CSTPP1: variants seen among roughly 807,000 people sequenced by gnomAD.
CSTPP1 encodes UPF0705 protein C11orf49.
the CSTPP1 span, among the ~76,000 whole-genome samples, chr11:47,092,426 C>T: frequency 6.6e-6 from 1 of 152,158 alleles, no homozygotes; most frequent in Non-Finnish European, 1.5e-5. Context: ...ATTCCCACCA[C>T]TCTTTATTTG....
At chr11:47,017,801 G>C in the CSTPP1 span, among the ~76,000 whole-genome samples, 1 of 152,014 alleles carries the variant, frequency 6.6e-6, no homozygotes, top group Non-Finnish European at 1.5e-5. Flanking sequence ...CCAAGTAGCT[G>C]GGATTATAAG....
At chr11:47,080,022 G>A in the CSTPP1 span, among the ~76,000 whole-genome samples, 5 of 152,034 alleles carry the variant, frequency 3.3e-5, no homozygotes, top group Non-Finnish European at 5.9e-5. Context: ...ACGTGAACCC[G>A]GAGGCAAAGG....
the CSTPP1 span, among the ~76,000 whole-genome samples, chr11:47,118,426 T>C: frequency 6.6e-6 from 1 of 152,198 alleles, no homozygotes; most frequent in Non-Finnish European, 1.5e-5. Flanking sequence ...AGTTTGTTAT[T>C]ACCAACCTTC....
At chr11:46,950,176 CTT>C in the CSTPP1 span, among the ~76,000 whole-genome samples, 11 of 136,246 alleles carry the variant, frequency 8.1e-5, no homozygotes, top group Non-Finnish European at 8.0e-5. Context: ...TTTTTCTTTT[CTT>C]TTTTTTTTTT....
chr11:46,941,362 C>T, the CSTPP1 span, among the ~76,000 whole-genome samples: 4 of 151,916 alleles, frequency 2.6e-5, no homozygotes, highest in Admixed American at 6.6e-5. Context: ...TTTCTTGAGA[C>T]GGAGTCTCGC....
the CSTPP1 span, among the ~76,000 whole-genome samples, chr11:46,943,898 G>A: frequency 6.6e-6 from 1 of 152,114 alleles, no homozygotes; most frequent in South Asian, 2.1e-4. Flanking sequence ...GCATGCATCT[G>A]TAGTCCCAGT....
the CSTPP1 span, chr11:47,138,086 G>C: frequency 2.6e-5 from 7 of 269,034 alleles, no homozygotes; most frequent in South Asian, 5.3e-4. Flanking sequence ...CTACTGTAAA[G>C]ATACTACCCA....
the CSTPP1 span, among the ~76,000 whole-genome samples, chr11:46,974,857 A>AAC: frequency 0.075 from 10,824 of 143,910 alleles, 563 homozygotes; most frequent in East Asian, 0.26. Context: ...TCTATCTCAA[A>AAC]ACACACACAC....
chr11:47,095,117 C>T, the CSTPP1 span, among the ~76,000 whole-genome samples: 1 of 152,142 alleles, frequency 6.6e-6, no homozygotes, highest in Non-Finnish European at 1.5e-5. Context: ...AGGAGAAGTA[C>T]AGTAATCATT....
At chr11:46,997,516 C>G in the CSTPP1 span, among the ~76,000 whole-genome samples, 1 of 152,184 alleles carries the variant, frequency 6.6e-6, no homozygotes, top group Non-Finnish European at 1.5e-5. Context: ...TCCTTTAGCT[C>G]GGAGAAGTTT....
the CSTPP1 span, among the ~76,000 whole-genome samples, chr11:46,937,686 C>T: frequency 2.6e-5 from 4 of 152,122 alleles, no homozygotes; most frequent in East Asian, 5.8e-4. Context: ...TACAGGCGCC[C>T]GCCACCTCGC....
chr11:47,159,791 G>A, the CSTPP1 span: 1 of 443,796 alleles, frequency 2.3e-6, no homozygotes, highest in East Asian at 7.1e-5. Context: ...GATCACCTGA[G>A]GTCAGGAGTT....
At chr11:47,114,897 T>G in the CSTPP1 span, among the ~76,000 whole-genome samples, 5 of 152,190 alleles carry the variant, frequency 3.3e-5, no homozygotes, top group African/African-American at 1.2e-4. Context: ...GAGGGCATCC[T>G]TGTCTTGTGC....
chr11:46,975,774 T>C, the CSTPP1 span, among the ~76,000 whole-genome samples: 1 of 152,282 alleles, frequency 6.6e-6, no homozygotes, highest in Middle Eastern at 3.4e-3. Flanking sequence ...AGATAAACAA[T>C]ATGATCTGAA....
At chr11:47,047,490 CA>C in the CSTPP1 span, among the ~76,000 whole-genome samples, 2 of 152,162 alleles carry the variant, frequency 1.3e-5, no homozygotes, top group South Asian at 4.1e-4. Context: ...AGGGAAAGGA[CA>C]GTCTTTTCAA....
the CSTPP1 span, among the ~76,000 whole-genome samples, chr11:47,032,274 A>AT: frequency 3.3e-5 from 5 of 151,906 alleles, no homozygotes; most frequent in Non-Finnish European, 5.9e-5. Context: ...AGCCCATTTC[A>AT]TTTTTTTTAC....
chr11:47,103,048 G>A, the CSTPP1 span, among the ~76,000 whole-genome samples: 1 of 150,630 alleles, frequency 6.6e-6, no homozygotes, highest in Admixed American at 6.6e-5. Context: ...GCATACTTTG[G>A]AGAGAGTGTG....
the CSTPP1 span, among the ~76,000 whole-genome samples, chr11:47,079,822 G>A: frequency 6.6e-6 from 1 of 152,028 alleles, no homozygotes; most frequent in Non-Finnish European, 1.5e-5. Flanking sequence ...GGCCGGGCGC[G>A]GTGGCTCACG....
At chr11:47,104,447 A>G in the CSTPP1 span, among the ~76,000 whole-genome samples, 1 of 152,166 alleles carries the variant, frequency 6.6e-6, no homozygotes, top group African/African-American at 2.4e-5. Context: ...CTCCCCCATT[A>G]CATTGCAGAC....
Sources: gnomAD v4.1 joint callset for allele counts (sites outside exome capture counted in the v4.1 genomes callset) on GRCh38, gnomAD v4.1.1 for gene constraint, MANE v1.5 for transcripts, NCBI Gene and HGNC (gene_info 2026-07-23, HGNC 2026-07-21) for gene names.